The following MR1 variants were observed in gnomAD, a reference collection of about 807,000 sequenced individuals.
MR1 encodes the protein major histocompatibility complex class I-related protein 1.
Under a neutral mutation model 37.8 loss-of-function variants are expected in MR1, and 44 were observed. That is an observed-to-expected ratio of 1.16 (90% CI 0.91 to 1.50). MR1 has a LOEUF of 1.50. MR1 is among the 40% of genes most tolerant of loss of function. The probability of loss-of-function intolerance (pLI) is 0.00; values close to 1 mark genes in which losing one functional copy is unlikely to be tolerated. For synonymous variants in MR1, 153 were observed against 155.8 expected (o/e 0.98, Z 0.13); for missense variants, 386 against 419.1 (o/e 0.92, Z 0.69).
Position 181,049,180 on chromosome 1 carries a change from G to A in MR1, c.196G>A (p.Glu66Lys). The change falls in exon 2 of 6, where the codon GAG becomes AAG. Residue 66 changes from glutamate to lysine, a missense_variant. Transcript: ENST00000367580. ...TTYDSVTRQK[E>K]PRAPWMAENL... is the part of the protein sequence containing the mutation. ...ATATGACAGTGTCACTCGGCAGAAGGAGCCACGGGCCCCATGGATGGCAGA... is the reference window on the plus strand; with the variant it reads ...ATATGACAGTGTCACTCGGCAGAAGAAGCCACGGGCCCCATGGATGGCAGA... 1.2e-6 allele frequency: 2 copies of A among 1,614,190 alleles called. No homozygotes were observed. Among genetic ancestry groups the A allele is most frequent in the Non-Finnish European group, 1.7e-6 (2 of 1,180,032 alleles).
rs1178049589 is a variant in MR1 at position 181,061,423 on chromosome 1, C to A, written c.*6158C>A. On this transcript the variant is annotated 3_prime_UTR_variant, in exon 6 of 6. Coordinates refer to ENST00000367580, the MANE Select transcript of MR1 (RefSeq NM_001385161.1). ...TATCCTTGTGCAGGGCACAAGCCTACATGGTGGCTCTGGTCATATCATTAG... is the reference window on the plus strand; with the variant it reads ...TATCCTTGTGCAGGGCACAAGCCTAAATGGTGGCTCTGGTCATATCATTAG... 6.6e-6 allele frequency: 1 copy of A among 152,176 alleles called. No individual in the cohort carries two copies. Among genetic ancestry groups the A allele is most frequent in the African/African-American group, 2.4e-5 (1 of 41,434 alleles). The allele number at this position is 152,176 out of a possible 1,614,324, so 9.4% of individuals were successfully genotyped here. A position where few individuals can be genotyped will look rare whatever the true frequency, so the allele number is the denominator to read the frequency against.
At chr1:181,049,477 C>T in intron 2 of MR1, 165 bp downstream of exon 2, 1 of 780,440 alleles carries the variant, frequency 1.3e-6, no homozygotes, top group Non-Finnish European at 2.0e-6. Flanking sequence ...GCCTGTGCAT[C>T]TTCTGGACTG....
chr1:181,040,511 G>A (rs1657500113), intron 1 of MR1, among the ~76,000 whole-genome samples: 1 of 152,132 alleles, frequency 6.6e-6, no homozygotes, highest in Non-Finnish European at 1.5e-5. Context: ...CACAGCAGAG[G>A]TAACATTTTA....
intron 1 of MR1, among the ~76,000 whole-genome samples, chr1:181,035,443 C>T (rs1414070047): frequency 6.6e-6 from 1 of 152,040 alleles, no homozygotes; most frequent in African/African-American, 2.4e-5. Flanking sequence ...ATAGTCTCTG[C>T]TTCCATGAAA....
chr1:181,046,092 C>T (rs1657845177), intron 1 of MR1, among the ~76,000 whole-genome samples: 1 of 152,188 alleles, frequency 6.6e-6, no homozygotes. Context: ...GGACCTGCAG[C>T]CCGCCATGCC....
chr1:181,050,461 A>C (rs1173479921), intron 3 of MR1, 175 bp downstream of exon 3: 1 of 745,802 alleles, frequency 1.3e-6, no homozygotes, highest in African/African-American at 1.8e-5. Flanking sequence ...TTTGAGCAGC[A>C]TCTTGACAAG....
chr1:181,042,200 ATTTTTTTTTTT>A (rs373949499), intron 1 of MR1, among the ~76,000 whole-genome samples: 1 of 134,124 alleles, frequency 7.5e-6, no homozygotes, highest in African/African-American at 2.8e-5. Context: ...ATCAAAGATA[ATTTTTTTTTTT>A]TTTTTTTTGA....
In MR1 at chr1:181,055,183, G is replaced by T. The variant is rs768023189; in HGVS notation, c.986-42G>T. The T allele has an allele frequency of 3.1e-6, 5 of 1,596,814 alleles. No individual in the cohort carries two copies. In the South Asian group the frequency reaches 5.5e-5, roughly 18 times the overall value. On this transcript the variant is annotated intron_variant, in intron 5 of 5. Transcript: ENST00000367580. ...GCATACTTTATTTTTGAGCTGTGAG[G>T]AAACATTCTTGTAATCTGACTAAAA...
Position 181,049,213 on chromosome 1 carries a change from G to A in MR1, c.229G>A (p.Ala77Thr), listed in dbSNP as rs372969823. 5.1e-5 allele frequency: 82 copies of A among 1,614,178 alleles called. No homozygotes were observed. The East Asian group carries it at 8.7e-4, about 17-fold the overall frequency. The change falls in exon 2 of 6, where the codon GCG becomes ACG. Residue 77 changes from alanine to threonine, a missense_variant. Ala to Thr is a moderately conservative substitution (Grantham distance 58). Coordinates refer to ENST00000367580, the MANE Select transcript of MR1 (RefSeq NM_001385161.1). ...PRAPWMAENL[A>T]PDHWERYTQL... ...GGCCCCATGGATGGCAGAGAACCTC[G>A]CGCCTGATCACTGGGAGAGGTACAC...
intron 1 of MR1, chr1:181,036,865 TTGAC>T (rs1320395230): frequency 3.9e-5 from 6 of 152,228 alleles, no homozygotes; most frequent in African/African-American, 1.4e-4. Context: ...TCACAGTTAT[TTGAC>T]TGGGAGCCAT....
chr1:181,052,721 C>T (rs3845423), intron 4 of MR1, among the ~76,000 whole-genome samples: 62,837 of 152,002 alleles, frequency 0.41, 15,209 homozygotes, highest in East Asian at 0.76. Context: ...AGAGCTTTTG[C>T]TGATGTGGGT....
In MR1 at chr1:181,056,301, T is replaced by C. The variant is rs1344450587; in HGVS notation, c.*1036T>C. 2 of 151,510 alleles carry C rather than the reference T, an allele frequency of 1.3e-5. No homozygotes were observed. The highest frequency in any genetic ancestry group is 3.9e-4 in the East Asian group (2 of 5,162). 9.4% of individuals were successfully genotyped at this position (151,510 alleles called of 1,614,324 possible). ...ATTGCTTGAACCCGGGAGGCAGAGATTGCAGTGAGCCGAGATCACGCCACT... is the reference window on the plus strand; with the variant it reads ...ATTGCTTGAACCCGGGAGGCAGAGACTGCAGTGAGCCGAGATCACGCCACT... On this transcript the variant is annotated 3_prime_UTR_variant, in exon 6 of 6. Coordinates refer to ENST00000367580, the MANE Select transcript of MR1 (RefSeq NM_001385161.1).
In MR1 at chr1:181,034,011, G is replaced by A; in HGVS notation, c.4G>A (p.Gly2Arg). 3 of 1,612,020 alleles carry A rather than the reference G, an allele frequency of 1.9e-6. No individual in the cohort carries two copies. Among genetic ancestry groups the A allele is most frequent in the South Asian group, 1.1e-5 (1 of 90,728 alleles). MGELMAFLLPLI... is the reference protein window; with the variant it reads MRELMAFLLPLI... ...AGAACCCGGAAAGAGAAGGACTATG[G>A]GGGAACTGATGGCGTTCCTGTTACC... The change falls in exon 1 of 6, where the codon GGG (glycine) becomes AGG (arginine). Residue 2 changes from glycine (G) to arginine (R), a missense_variant. Physicochemically the swap from Gly to Arg is moderately radical, Grantham distance 125. Transcript: ENST00000367580.
At chr1:181,054,328 C>T (rs554881460) in intron 5 of MR1, among the ~76,000 whole-genome samples, 2 of 152,208 alleles carry the variant, frequency 1.3e-5, no homozygotes, top group African/African-American at 4.8e-5. Context: ...AGATACGATC[C>T]CTGTTTTCAT....
At chr1:181,043,360 G>A (rs1025603527) in intron 1 of MR1, among the ~76,000 whole-genome samples, 5 of 152,222 alleles carry the variant, frequency 3.3e-5, no homozygotes, top group African/African-American at 1.2e-4. Context: ...ATGGGGCGGG[G>A]ATACCTACTC....
chr1:181,045,813 A>G (rs1657822587), intron 1 of MR1, among the ~76,000 whole-genome samples: 1 of 152,212 alleles, frequency 6.6e-6, no homozygotes, highest in African/African-American at 2.4e-5. Flanking sequence ...CCGCTCCCGC[A>G]GCTTGCAGGG....
rs1658827240 is a variant in MR1, at chr1:181,059,966, A to C, written c.*4701A>C. On this transcript the variant is annotated 3_prime_UTR_variant, in exon 6 of 6. Transcript: ENST00000367580. ...CCATCGTCTCCCCGTTCCACCTTGT[A>C]CTGGTTTCCAAGGGTAGTCGTTTAA... 6.6e-6 allele frequency: 1 copy of C among 152,186 alleles called. No homozygotes were observed. The allele number at this position is 152,186 out of a possible 1,614,324, so 9.4% of individuals were successfully genotyped here. A position where few individuals can be genotyped will look rare whatever the true frequency, so the allele number is the denominator to read the frequency against.
rs1198141131 is a variant in MR1, at chr1:181,057,461, C to CA, written c.*2197dup. 6.6e-6 allele frequency: 1 copy of CA among 152,152 alleles called. No homozygotes were observed. Among genetic ancestry groups the CA allele is most frequent in the African/African-American group, 2.4e-5 (1 of 41,412 alleles). The allele number at this position is 152,152 out of a possible 1,614,324, so 9.4% of individuals were successfully genotyped here. A position where few individuals can be genotyped will look rare whatever the true frequency, so the allele number is the denominator to read the frequency against. The stretch of plus-strand genomic sequence containing the variant: ...GTGAAAAGGTACATATTTACATAGA[C>CA]ACAGGTGATAATGTATCTATGTAAA... On this transcript the variant is annotated 3_prime_UTR_variant, in exon 6 of 6. Transcript: ENST00000367580.
rs1553271504 is a variant in MR1, at chr1:181,056,403, T to TAAC, written c.*1140_*1142dup. ...ATAATAATAATAATAATAATAATAA[T>TAAC]AACAGTATATTTGGTGTCAGGAGAG... On this transcript the variant is annotated 3_prime_UTR_variant, in exon 6 of 6. Transcript: ENST00000367580. 5.5e-5 allele frequency: 8 copies of TAAC among 145,758 alleles called. No individual in the cohort carries two copies. The highest frequency in any genetic ancestry group is 1.0e-4 in the African/African-American group (4 of 39,858). 9.0% of individuals were successfully genotyped at this position (145,758 alleles called of 1,614,324 possible). A position where few individuals can be genotyped will look rare whatever the true frequency, so the allele number is the denominator to read the frequency against.
Sources: gnomAD v4.1 joint callset for allele counts (sites outside exome capture counted in the v4.1 genomes callset) on GRCh38, gnomAD v4.1.1 for gene constraint, MANE v1.5 for transcripts, NCBI Gene and HGNC (gene_info 2026-07-23, HGNC 2026-07-21) for gene names.